GCGR: variants seen among roughly 807,000 people sequenced by gnomAD.
The protein encoded by GCGR is glucagon receptor.
Under a neutral mutation model 56.1 loss-of-function variants are expected in GCGR, and 41 were observed. The ratio of observed to expected loss-of-function variants is 0.73; its 90% confidence interval spans 0.57 to 0.95. The LOEUF is 0.95. Among genes scored for constraint, GCGR ranks in the 40% least tolerant of loss-of-function variants. The pLI is 0.00. For synonymous variants in GCGR, 278 were observed against 271.1 expected, an observed-to-expected ratio of 1.03 and a Z score of -0.25; for missense variants, 595 against 638.2, an observed-to-expected ratio of 0.93 and a Z score of 0.73.
chr17:81,811,344 C>T lies in GCGR; in HGVS notation c.500+16C>T, dbSNP rs779693689. The T allele has an allele frequency of 1.0e-4, 158 of 1,534,324 alleles. No homozygotes were observed. The highest frequency in any genetic ancestry group is 3.0e-4 in the South Asian group (25 of 84,038). On this transcript the variant is annotated intron_variant, in intron 6 of 13. Coordinates refer to ENST00000400723, the MANE Select transcript of GCGR (RefSeq NM_000160.5). This position sits in a 1 kb window ranked among gnomAD's most constrained non-coding sequence, Gnocchi z 5.8. ...GGGGCCTCAGGTAGGATTCCGCCAG[C>T]GCCCGGGGCGGCCGCAGAGGACAGG... is the stretch of plus-strand genomic sequence containing the variant.
Position 81,813,930 on chromosome 17 carries a change from C to T in GCGR, c.*241C>T, listed in dbSNP as rs1356589618. 5 of 564,506 alleles carry T rather than the reference C, an allele frequency of 8.9e-6. No homozygotes were observed. The highest frequency in any genetic ancestry group is 4.6e-5 in the South Asian group (2 of 43,782). 35.0% of individuals were successfully genotyped at this position (564,506 alleles called of 1,614,324 possible). A position where few individuals can be genotyped will look rare whatever the true frequency, so the allele number is the denominator to read the frequency against. ...GGAGTGGGGGCTGTGCCGTGAACTGCGTGCCAGTGTCCCCACGTATGTCGG... is the reference window on the plus strand; with the variant it reads ...GGAGTGGGGGCTGTGCCGTGAACTGTGTGCCAGTGTCCCCACGTATGTCGG... On this transcript the variant is annotated 3_prime_UTR_variant, in exon 14 of 14. Coordinates refer to ENST00000400723, the MANE Select transcript of GCGR (RefSeq NM_000160.5). The surrounding 1 kb of genome is among the most constrained non-coding windows in gnomAD (Gnocchi z 5.3).
In GCGR at chr17:81,811,820, C is replaced by T. The variant is rs1308841040; in HGVS notation, c.817+10C>T. Reference sequence around the variant, plus strand: ...CTGGGCATCGGCTGGGGTGAGTGGGCTGGCATGAGAGGGGGTTAAGGCAGG... The same window carrying T: ...CTGGGCATCGGCTGGGGTGAGTGGGTTGGCATGAGAGGGGGTTAAGGCAGG... On this transcript the variant is annotated intron_variant, in intron 8 of 13. Transcript: ENST00000400723. The surrounding 1 kb of genome is among the most constrained non-coding windows in gnomAD (Gnocchi z 5.8). 1 of 1,536,906 alleles carries T rather than the reference C, an allele frequency of 6.5e-7. No individual in the cohort carries two copies. The highest frequency in any genetic ancestry group is 8.7e-7 in the Non-Finnish European group (1 of 1,146,844).
At chr17:81,805,798 T>G (rs935457458) in intron 1 of GCGR, among the ~76,000 whole-genome samples, 1 of 152,138 alleles carries the variant, frequency 6.6e-6, no homozygotes, top group Non-Finnish European at 1.5e-5. Context: ...GGGTCCCTGG[T>G]GGGTCGTCCC....
At position 81,812,324 on chromosome 17, in the gene GCGR, A is replaced by G; in HGVS notation, c.948+72A>G. ...TGGCGTCCTGAGGCTGCCCCAGGAG[A>G]CAGCAGCATCCTGTCTGAGAGCGCT... On this transcript the variant is annotated intron_variant, in intron 10 of 13. Transcript: ENST00000400723. This position sits in a 1 kb window ranked among gnomAD's most constrained non-coding sequence, Gnocchi z 8.5. 2.0e-6 allele frequency: 3 copies of G among 1,482,780 alleles called. No individual in the cohort carries two copies. The highest frequency in any genetic ancestry group is 2.7e-6 in the Non-Finnish European group (3 of 1,100,496). 91.9% of individuals were successfully genotyped at this position (1,482,780 alleles called of 1,614,324 possible).
chr17:81,811,891 C>T lies in GCGR; in HGVS notation c.823C>T (p.Pro275Ser). ...SLYLGIGWGA[P>S]MLFVVPWAVV... The stretch of plus-strand genomic sequence containing the variant: ...ACAGCTGCTGCCCCCCACAGGTGCC[C>T]CCATGCTGTTCGTCGTCCCCTGGGC... Residue 275 changes from proline to serine, a missense_variant, in exon 9 of 14, where the codon CCC becomes TCC. Physicochemically the swap from Pro to Ser is moderately conservative, Grantham distance 74. Coordinates refer to ENST00000400723, the MANE Select transcript of GCGR (RefSeq NM_000160.5). The surrounding 1 kb of genome is among the most constrained non-coding windows in gnomAD (Gnocchi z 5.8). 2 of 1,537,136 alleles carry T rather than the reference C, an allele frequency of 1.3e-6. No individual in the cohort carries two copies. The highest frequency in any genetic ancestry group is 1.7e-6 in the Non-Finnish European group (2 of 1,146,878).
rs895416034 is a variant in GCGR, at chr17:81,810,084, C to T, written c.163+200C>T. The T allele has an allele frequency of 1.4e-5, 9 of 642,682 alleles. No individual in the cohort carries two copies. Among genetic ancestry groups the T allele is most frequent in the Middle Eastern group, 4.0e-4 (1 of 2,500 alleles). The allele number at this position is 642,682 out of a possible 1,614,324, so 39.8% of individuals were successfully genotyped here. A position where few individuals can be genotyped will look rare whatever the true frequency, so the allele number is the denominator to read the frequency against. ...ACAGAGCTGGGGACTTGCCTCAGGC[C>T]GCAGAGCCAGGAAATAACAGAACGG... On this transcript the variant is annotated intron_variant, in intron 3 of 13. Coordinates refer to ENST00000400723, the MANE Select transcript of GCGR (RefSeq NM_000160.5). The surrounding 1 kb of genome is among the most constrained non-coding windows in gnomAD (Gnocchi z 4.6).
intron 1 of GCGR, chr17:81,805,269 G>A (rs1432076206): frequency 6.6e-6 from 1 of 152,464 alleles, no homozygotes; most frequent in Non-Finnish European, 1.5e-5. Context: ...AGTGGGAATC[G>A]GTGGAGCCTG....
At position 81,805,548 on chromosome 17, in the gene GCGR, C is replaced by CA. The variant is rs564758250; in HGVS notation, c.-178+1299_-178+1300insA. On this transcript the variant is annotated intron_variant, in intron 1 of 13. Coordinates refer to ENST00000400723, the MANE Select transcript of GCGR (RefSeq NM_000160.5). ...CACATTGGGCACCTCGGGAACCCTC[C>CA]CATTGGGCACCTCGGGAACCCCCCA... Among the ~76,000 whole-genome samples, 607 of 145,486 alleles carry CA rather than the reference C, an allele frequency of 4.2e-3. 12 individuals are homozygous for CA. Among genetic ancestry groups the CA allele is most frequent in the African/African-American group, 0.016 (577 of 36,366 alleles).
Position 81,812,708 on chromosome 17 carries a change from C to T in GCGR, c.1037+43C>T, listed in dbSNP as rs1285984564. On this transcript the variant is annotated intron_variant, in intron 11 of 13. Transcript: ENST00000400723. The surrounding 1 kb of genome is among the most constrained non-coding windows in gnomAD (Gnocchi z 8.5). ...TGGCGTCTCGAGACCTGGAGACCCT[C>T]AGGGCCAGAGGGCAGCTGGGGGTGG... The T allele has an allele frequency of 4.6e-6, 7 of 1,530,562 alleles. No individual in the cohort carries two copies. The Middle Eastern group carries it at 5.0e-4, about 110-fold the overall frequency. 94.8% of individuals were successfully genotyped at this position (1,530,562 alleles called of 1,614,324 possible).
Position 81,812,827 on chromosome 17 carries a change from C to A in GCGR, c.1058C>A (p.Thr353Asn). 6.5e-7 allele frequency: 1 copy of A among 1,535,844 alleles called. No homozygotes were observed. Among genetic ancestry groups the A allele is most frequent in the Non-Finnish European group, 8.7e-7 (1 of 1,146,744 alleles). Residue 353 changes from threonine (T) to asparagine (N), a missense_variant, in exon 12 of 14, where the codon ACC becomes AAC. Coordinates refer to ENST00000400723, the MANE Select transcript of GCGR (RefSeq NM_000160.5). This position sits in a 1 kb window ranked among gnomAD's most constrained non-coding sequence, Gnocchi z 8.5. ...YKFRLAKSTL[T>N]LIPLLGVHEV... Reference sequence around the variant, plus strand: ...TGCAGGCTGGCCAAGTCCACGCTGACCCTCATCCCTCTGCTGGGCGTCCAC... The same window carrying A: ...TGCAGGCTGGCCAAGTCCACGCTGAACCTCATCCCTCTGCTGGGCGTCCAC...
chr17:81,811,322 G>A lies in GCGR; in HGVS notation c.494G>A (p.Gly165Asp), dbSNP rs1044952705. ...CTCCTCGCCTTGGCCATCCTGGGGG[G>A]CCTCAGGTAGGATTCCGCCAGCGCC... ...ALLLALAILG[G>D]LSKLHCTRNA... Residue 165 changes from glycine to aspartate, a missense_variant, in exon 6 of 14, where the codon GGC (glycine) becomes GAC (aspartate). By Grantham distance (94) the Gly-to-Asp change is moderately conservative (BLOSUM62 -1). Coordinates refer to ENST00000400723, the MANE Select transcript of GCGR (RefSeq NM_000160.5). This position sits in a 1 kb window ranked among gnomAD's most constrained non-coding sequence, Gnocchi z 5.8. The A allele has an allele frequency of 1.3e-6, 2 of 1,534,970 alleles. No individual in the cohort carries two copies. The highest frequency in any genetic ancestry group is 2.7e-5 in the African/African-American group (2 of 73,038).
chr17:81,813,206 C>A lies in GCGR; in HGVS notation c.1218+149C>A. ...TCCCTCCCCCTGCTCTTATTGGGTG[C>A]AGTTGCCATGGCGCTGGGTGTCAGG... On this transcript the variant is annotated intron_variant, in intron 13 of 13. Coordinates refer to ENST00000400723, the MANE Select transcript of GCGR (RefSeq NM_000160.5). The surrounding 1 kb of genome is among the most constrained non-coding windows in gnomAD (Gnocchi z 5.3). 7.7e-7 allele frequency: 1 copy of A among 1,304,786 alleles called. No homozygotes were observed. The highest frequency in any genetic ancestry group is 1.1e-6 in the Non-Finnish European group (1 of 940,712). 80.8% of individuals were successfully genotyped at this position (1,304,786 alleles called of 1,614,324 possible). A position where few individuals can be genotyped will look rare whatever the true frequency, so the allele number is the denominator to read the frequency against.
In GCGR at chr17:81,811,073, G is replaced by C; in HGVS notation, c.335G>C (p.Gly112Ala). The change falls in exon 5 of 14, where the codon GGG becomes GCG. Residue 112 changes from glycine to alanine, a missense_variant. Gly to Ala is a moderately conservative substitution (Grantham distance 60, BLOSUM62 0). Coordinates refer to ENST00000400723, the MANE Select transcript of GCGR (RefSeq NM_000160.5). The surrounding 1 kb of genome is among the most constrained non-coding windows in gnomAD (Gnocchi z 5.8). The part of the protein sequence containing the change: ...PDGQWVRGPR[G>A]QPWRDASQCQ... ...GGTCAGTGGGTGCGTGGACCCCGGGGGCAGCCTTGGCGTGATGCCTCCCAG... is the reference window on the plus strand; with the variant it reads ...GGTCAGTGGGTGCGTGGACCCCGGGCGCAGCCTTGGCGTGATGCCTCCCAG... 6.5e-7 allele frequency: 1 copy of C among 1,536,186 alleles called. No individual in the cohort carries two copies. Among genetic ancestry groups the C allele is most frequent in the Non-Finnish European group, 8.7e-7 (1 of 1,146,828 alleles).
rs2037893906 is a variant in GCGR, at chr17:81,804,198, CG to C, written c.-228del. The stretch of plus-strand genomic sequence containing the variant: ...AGCGGTCACCGGCGCCCGACCCGAG[CG>C]CGCCCAGAGGACGGCGGGGAGCCAA... On this transcript the variant is annotated 5_prime_UTR_variant, in exon 1 of 14. Transcript: ENST00000400723. This position sits in a 1 kb window ranked among gnomAD's most constrained non-coding sequence, Gnocchi z 8.2. The C allele has an allele frequency of 1.3e-5, 2 of 151,402 alleles. No individual in the cohort carries two copies. The highest frequency in any genetic ancestry group is 4.8e-5 in the African/African-American group (2 of 41,442). 9.4% of individuals were successfully genotyped at this position (151,402 alleles called of 1,614,324 possible).
chr17:81,804,915 G>A lies in GCGR; in HGVS notation c.-178+666G>A, dbSNP rs144152414. Among the ~76,000 whole-genome samples the A allele has an allele frequency of 2.8e-3, 424 of 152,290 alleles. 1 individual carries two copies. The highest frequency in any genetic ancestry group is 9.7e-3 in the African/African-American group (405 of 41,570). On this transcript the variant is annotated intron_variant, in intron 1 of 13. Coordinates refer to ENST00000400723, the MANE Select transcript of GCGR (RefSeq NM_000160.5). The surrounding 1 kb of genome is among the most constrained non-coding windows in gnomAD (Gnocchi z 8.2). ...ACTGACCCCGGCCCCCTCGGCGCCCGCATCCTCCAAGGACCGGCCAGGGCT... is the reference window on the plus strand; with the variant it reads ...ACTGACCCCGGCCCCCTCGGCGCCCACATCCTCCAAGGACCGGCCAGGGCT...
In GCGR at chr17:81,811,161, G is replaced by C. The variant is rs773224259; in HGVS notation, c.393+30G>C. The C allele has an allele frequency of 6.5e-7, 1 of 1,536,058 alleles. No individual in the cohort carries two copies. Among genetic ancestry groups the C allele is most frequent in the South Asian group, 1.2e-5 (1 of 84,060 alleles). ...GTGGGCGGCAGGCAGGCGCGGTGGG[G>C]CTGGATGGGAACGGGCATGGGGGCC... is the stretch of plus-strand genomic sequence containing the variant. On this transcript the variant is annotated intron_variant, in intron 5 of 13. Coordinates refer to ENST00000400723, the MANE Select transcript of GCGR (RefSeq NM_000160.5). The surrounding 1 kb of genome is among the most constrained non-coding windows in gnomAD (Gnocchi z 5.8).
Position 81,811,109 on chromosome 17 carries a change from A to T in GCGR, c.371A>T (p.Asp124Val). The T allele has an allele frequency of 6.5e-7, 1 of 1,536,234 alleles. No homozygotes were observed. The highest frequency in any genetic ancestry group is 8.7e-7 in the Non-Finnish European group (1 of 1,146,820). The change falls in exon 5 of 14, where the codon GAT (aspartate) becomes GTT (valine). Residue 124 changes from aspartate to valine, a missense_variant. Transcript: ENST00000400723. This position sits in a 1 kb window ranked among gnomAD's most constrained non-coding sequence, Gnocchi z 5.8. The part of the protein sequence containing the change: ...PWRDASQCQM[D>V]GEEIEVQKEV... ...CGTGATGCCTCCCAGTGCCAGATGGATGGCGAGGAGATTGAGGTCCAGGTC... is the reference window on the plus strand; with the variant it reads ...CGTGATGCCTCCCAGTGCCAGATGGTTGGCGAGGAGATTGAGGTCCAGGTC...
rs768678744 is a variant in GCGR at position 81,810,915 on chromosome 17, TGCCTTG to T, written c.257_262del (p.Pro86_Trp87del). On this transcript the variant is annotated inframe_deletion, in exon 4 of 14. Coordinates refer to ENST00000400723, the MANE Select transcript of GCGR (RefSeq NM_000160.5). The surrounding 1 kb of genome is among the most constrained non-coding windows in gnomAD (Gnocchi z 4.6). ...GCCAACATCTCCTGCCCCTGGTACC[TGCCTTG>T]GCACCACAAAGGTACCCATAGAGGG... 6 of 1,487,656 alleles carry T rather than the reference TGCCTTG, an allele frequency of 4.0e-6. No individual in the cohort carries two copies. The South Asian group carries it at 7.2e-5, about 18-fold the overall frequency. 92.2% of individuals were successfully genotyped at this position (1,487,656 alleles called of 1,614,324 possible).
At position 81,811,590 on chromosome 17, in the gene GCGR, T is replaced by C. The variant is rs28454947; in HGVS notation, c.657+30T>C. On this transcript the variant is annotated intron_variant, in intron 7 of 13. Transcript: ENST00000400723. This position sits in a 1 kb window ranked among gnomAD's most constrained non-coding sequence, Gnocchi z 5.8. ...GCCCCCCTCGGCGGCCCCAGGCAGGTGGGTGGGTGGGCAGCCAGGCAGGTG... is the reference window on the plus strand; with the variant it reads ...GCCCCCCTCGGCGGCCCCAGGCAGGCGGGTGGGTGGGCAGCCAGGCAGGTG... The C allele has an allele frequency of 0.19, 289,855 of 1,535,770 alleles. 28,193 individuals are homozygous for C. The highest frequency in any genetic ancestry group is 0.23 in the Admixed American group (11,646 of 50,982).
Sources: gnomAD v4.1 joint callset for allele counts (sites outside exome capture counted in the v4.1 genomes callset) on GRCh38, gnomAD v4.1.1 for gene constraint, Gnocchi (gnomAD v3.1) non-coding constraint, MANE v1.5 for transcripts, NCBI Gene and HGNC (gene_info 2026-07-23, HGNC 2026-07-21) for gene names.